Variants in TOPORS observed in about 807,000 individuals in gnomAD.
TOPORS encodes E3 ubiquitin-protein ligase Topors.
Under a neutral mutation model 81.4 loss-of-function variants are expected in TOPORS, and 25 were observed. The ratio of observed to expected loss-of-function variants is 0.31; its 90% CI spans 0.22 to 0.43. The LOEUF is 0.43. Among genes scored for constraint, TOPORS ranks in the 20% least tolerant of loss-of-function variants. TOPORS has a pLI of 1.00. For missense variants in TOPORS, 1,101 were observed against 1,267.0 expected, an observed-to-expected ratio of 0.87 and a Z score of 1.99; for synonymous variants, 473 against 456.6, an observed-to-expected ratio of 1.04 and a Z score of -0.46.
In TOPORS at chr9:32,543,102, A is replaced by AAGAATCATC; in HGVS notation, c.1414_1422dup (p.Asp472_Ser474dup). The AAGAATCATC allele has an allele frequency of 6.2e-7, 1 of 1,614,156 alleles. No individual in the cohort carries two copies. The highest frequency in any genetic ancestry group is 8.5e-7 in the Non-Finnish European group (1 of 1,180,022). On this transcript the variant is annotated inframe_insertion, in exon 3 of 3. Transcript: ENST00000360538. This position sits in a 1 kb window ranked among gnomAD's most constrained non-coding sequence, Gnocchi z 5.6. ...AACCCAACAATGACACAATTATCTG[A>AAGAATCATC]AGAATCATCACTGTCATTATTTAGG...
In TOPORS at chr9:32,542,559, T is replaced by C. The variant is rs749980201; in HGVS notation, c.1966A>G (p.Arg656Gly). ...CTACTTAGAGACAGAGTTTGGCTTC[T>C]TCTGGACCAACTGCTATCTCTAGTT... ...SRTRDSSWSR[R>G]SQTLSLSSES... Residue 656 changes from arginine (R) to glycine (G), a missense_variant, in exon 3 of 3, where the codon AGA becomes GGA. Arg to Gly is a moderately radical substitution (Grantham distance 125, BLOSUM62 -2). This residue lies in a region of TOPORS where 605 missense variants were observed against 636.1 expected (regional missense o/e 0.95). Coordinates refer to ENST00000360538, the MANE Select transcript of TOPORS (RefSeq NM_005802.5). 6.2e-7 allele frequency: 1 copy of C among 1,614,140 alleles called. No individual in the cohort carries two copies. The highest frequency in any genetic ancestry group is 1.7e-5 in the Admixed American group (1 of 60,022).
At position 32,544,291 on chromosome 9, in the gene TOPORS, G is replaced by A; in HGVS notation, c.234C>T (p.Asp78=). Residue 78 remains aspartate (D), a synonymous_variant, in exon 3 of 3, where the codon GAC becomes GAT. Coordinates refer to ENST00000360538, the MANE Select transcript of TOPORS (RefSeq NM_005802.5). The stretch of plus-strand genomic sequence containing the variant: ...TAGTGCCAGCTTTAGGTGAAAAGTT[G>A]TCCATTTTAAATTCCTTAGCAGCTG... ...MASAAKEFKM[D]NFSPKAGTSK... 6.2e-7 allele frequency: 1 copy of A among 1,602,908 alleles called. No individual in the cohort carries two copies. The highest frequency in any genetic ancestry group is 1.1e-5 in the South Asian group (1 of 91,078).
intron 1 of TOPORS, chr9:32,551,853 TAC>T (rs1563987894): frequency 2.3e-6 from 1 of 435,270 alleles, no homozygotes; most frequent in Non-Finnish European, 4.7e-6. Context: ...CATTACGCTA[TAC>T]GTTTCTGAAG....
At position 32,542,021 on chromosome 9, in the gene TOPORS, T is replaced by C. The variant is rs1361475613; in HGVS notation, c.2504A>G (p.Asn835Ser). Residue 835 changes from asparagine to serine, a missense_variant, in exon 3 of 3, where the codon AAC (asparagine) becomes AGC (serine). Around this residue, in one of 9 missense-constraint regions of TOPORS, gnomAD observed 605 missense variants for 636.1 expected, o/e 0.95. Transcript: ENST00000360538. ...AAAGGTATCACTCTCATTTTTGTAGTTTCCATCCAATTTTGATGAAGATTT... is the reference window on the plus strand; with the variant it reads ...AAAGGTATCACTCTCATTTTTGTAGCTTCCATCCAATTTTGATGAAGATTT... ...YQKSSSKLDG[N>S]YKNESDTFSD... 1.2e-6 allele frequency: 2 copies of C among 1,614,026 alleles called. No homozygotes were observed. The highest frequency in any genetic ancestry group is 2.7e-5 in the African/African-American group (2 of 74,942).
chr9:32,551,184 C>T (rs886319814), intron 1 of TOPORS: 18 of 628,048 alleles, frequency 2.9e-5, no homozygotes, highest in Non-Finnish European at 4.8e-5. Flanking sequence ...CGCGACCCTC[C>T]CCATCTTGTT....
Position 32,543,249 on chromosome 9 carries a change from A to G in TOPORS, c.1276T>C (p.Ser426Pro). Residue 426 changes from serine to proline, a missense_variant, in exon 3 of 3, where the codon TCA becomes CCA. Physicochemically the swap from Ser to Pro is moderately conservative, Grantham distance 74. Coordinates refer to ENST00000360538, the MANE Select transcript of TOPORS (RefSeq NM_005802.5). This position sits in a 1 kb window ranked among gnomAD's most constrained non-coding sequence, Gnocchi z 5.6. ...GTAACGTGTACCTGCTCTGAGCTTG[A>G]GTAAGATGGTCCTGGAGTTTCATCA... is the stretch of plus-strand genomic sequence containing the variant. ...WDDETPGPSY[S>P]SSEQVHVTMS... 1 of 1,613,776 alleles carries G rather than the reference A, an allele frequency of 6.2e-7. No individual in the cohort carries two copies.
At position 32,541,481 on chromosome 9, in the gene TOPORS, A is replaced by G. The variant is rs368273386; in HGVS notation, c.3044T>C (p.Ile1015Thr). The part of the protein sequence containing the change: ...VSDLENQPSN[I>T]VSLQTEPSRQ... ...TGATGGCTCAGTTTGAAGAGACACA[A>G]TGTTACTGGGCTGGTTCTCCAAATC... The change falls in exon 3 of 3, where the codon ATT (isoleucine) becomes ACT (threonine). Residue 1015 changes from isoleucine to threonine, a missense_variant. Around this residue, in one of 9 missense-constraint regions of TOPORS, gnomAD observed 605 missense variants for 636.1 expected, o/e 0.95. Coordinates refer to ENST00000360538, the MANE Select transcript of TOPORS (RefSeq NM_005802.5). 3.1e-6 allele frequency: 5 copies of G among 1,614,104 alleles called. No individual in the cohort carries two copies. Among genetic ancestry groups the G allele is most frequent in the Non-Finnish European group, 4.2e-6 (5 of 1,180,030 alleles).
chr9:32,551,406 CG>C, intron 1 of TOPORS: 1 of 326,414 alleles, frequency 3.1e-6, no homozygotes, highest in South Asian at 2.5e-5. Flanking sequence ...AGGAGTCCAA[CG>C]GGATCCCAAA....
intron 2 of TOPORS, among the ~76,000 whole-genome samples, chr9:32,550,229 A>G (rs1279455452): frequency 6.6e-6 from 1 of 152,202 alleles, no homozygotes; most frequent in African/African-American, 2.4e-5. Flanking sequence ...GGAAAGCTGC[A>G]GTAAATGGAT....
At chr9:32,549,286 G>A (rs1222303370) in intron 2 of TOPORS, among the ~76,000 whole-genome samples, 5 of 152,092 alleles carry the variant, frequency 3.3e-5, no homozygotes, top group East Asian at 3.9e-4. Flanking sequence ...CAGCCTGGGC[G>A]AAAGAGCAAG....
rs776603944 is a variant in TOPORS, at chr9:32,544,007, G to A, written c.518C>T (p.Thr173Ile). The A allele has an allele frequency of 6.2e-7, 1 of 1,614,150 alleles. No homozygotes were observed. The highest frequency in any genetic ancestry group is 1.1e-5 in the South Asian group (1 of 91,080). ...ACGGTAGCGAAATCGTCGATCAGGGGTGACAAAAGAACCATTATACGAAGG... is the reference window on the plus strand; with the variant it reads ...ACGGTAGCGAAATCGTCGATCAGGGATGACAAAAGAACCATTATACGAAGG... ...LRPSYNGSFV[T>I]PDRRFRYRTT... Residue 173 changes from threonine to isoleucine, a missense_variant, in exon 3 of 3, where the codon ACC becomes ATC. By Grantham distance (89) the Thr-to-Ile change is moderately conservative. Coordinates refer to ENST00000360538, the MANE Select transcript of TOPORS (RefSeq NM_005802.5).
rs1337641143 is a variant in TOPORS at position 32,542,437 on chromosome 9, A to G, written c.2088T>C (p.Tyr696=). Residue 696 remains tyrosine (Y), a synonymous_variant, in exon 3 of 3, where the codon TAT becomes TAC. Transcript: ENST00000360538. ...TATACTCCCATTTGTATCTGCTTCC[A>G]TAATTATTTCTTAAATAATAACGAT... ...NRDRYYLRNN[Y]GSRYKWEYTY... 5 of 1,613,586 alleles carry G rather than the reference A, an allele frequency of 3.1e-6. No individual in the cohort carries two copies. Among genetic ancestry groups the G allele is most frequent in the Admixed American group, 3.3e-5 (2 of 60,030 alleles).
At chr9:32,547,398 T>C (rs1408493948) in intron 2 of TOPORS, among the ~76,000 whole-genome samples, 1 of 152,192 alleles carries the variant, frequency 6.6e-6, no homozygotes, top group East Asian at 1.9e-4. Flanking sequence ...AAAAACTGTA[T>C]ATGAATATTC....
chr9:32,545,347 T>A (rs1351446520), intron 2 of TOPORS, among the ~76,000 whole-genome samples: 1 of 151,682 alleles, frequency 6.6e-6, no homozygotes, highest in African/African-American at 2.4e-5. Context: ...TATTAAAGAT[T>A]AGTTTGTTTT....
At chr9:32,549,302 G>A (rs779070275) in intron 2 of TOPORS, among the ~76,000 whole-genome samples, 1 of 151,884 alleles carries the variant, frequency 6.6e-6, no homozygotes, top group East Asian at 1.9e-4. Context: ...GCAAGACTCC[G>A]TCTCAAAAAA....
chr9:32,544,861 T>A (rs940155546), intron 2 of TOPORS, among the ~76,000 whole-genome samples: 2 of 152,172 alleles, frequency 1.3e-5, no homozygotes, highest in African/African-American at 4.8e-5. Flanking sequence ...CACTCCTCAG[T>A]TGATGTTATT....
rs1821241551 is a variant in TOPORS, at chr9:32,551,061, C to T, written c.4-93G>A. The T allele has an allele frequency of 7.1e-6, 10 of 1,417,240 alleles. No individual in the cohort carries two copies. In the South Asian group the frequency reaches 8.4e-5, roughly 12 times the overall value. 87.8% of individuals were successfully genotyped at this position (1,417,240 alleles called of 1,614,324 possible). A position where few individuals can be genotyped will look rare whatever the true frequency, so the allele number is the denominator to read the frequency against. On this transcript the variant is annotated intron_variant, in intron 1 of 2. Coordinates refer to ENST00000360538, the MANE Select transcript of TOPORS (RefSeq NM_005802.5). ...AGCTCCCGCGCATCAAAACACAACA[C>T]CCGCCTTCCTCACGCATGCGCAGCA... is the stretch of plus-strand genomic sequence containing the variant.
rs763907340 is a variant in TOPORS at position 32,550,958 on chromosome 9, G to C, written c.14C>G (p.Pro5Arg). 2.9e-5 allele frequency: 46 copies of C among 1,610,954 alleles called. No individual in the cohort carries two copies. The highest frequency in any genetic ancestry group is 3.8e-5 in the Non-Finnish European group (45 of 1,179,776). ...GCGAGACAGCGGAGACCCCAGCGGC[G>C]GCTGCGACCCCTGTGACGCAAAGGG... MGSQ[P>R]PLGSPLSREE... The change falls in exon 2 of 3, where the codon CCG becomes CGG. Residue 5 changes from proline to arginine, a missense_variant. By Grantham distance (103) the Pro-to-Arg change is moderately radical. Around this residue, in one of 9 missense-constraint regions of TOPORS, gnomAD observed 131 missense variants for 101.0 expected, o/e 1.30. Coordinates refer to ENST00000360538, the MANE Select transcript of TOPORS (RefSeq NM_005802.5).
At position 32,543,379 on chromosome 9, in the gene TOPORS, T is replaced by C. The variant is rs1821099854; in HGVS notation, c.1146A>G (p.Glu382=). Residue 382 remains glutamate (E), a synonymous_variant, in exon 3 of 3, where the codon GAA becomes GAG. Transcript: ENST00000360538. The surrounding 1 kb of genome is among the most constrained non-coding windows in gnomAD (Gnocchi z 5.6). ...CTGAAGAATCAGAATGGCTGCCTTCTTCGTATGAAGGAGCAGGGCAATCAT... is the reference window on the plus strand; with the variant it reads ...CTGAAGAATCAGAATGGCTGCCTTCCTCGTATGAAGGAGCAGGGCAATCAT... ...ANYDCPAPSY[E]EGSHSDSSVI... is the part of the protein sequence containing the mutation. The C allele has an allele frequency of 6.2e-7, 1 of 1,614,042 alleles. No homozygotes were observed. Among genetic ancestry groups the C allele is most frequent in the Non-Finnish European group, 8.5e-7 (1 of 1,179,932 alleles).
Sources: allele counts gnomAD v4.1 joint callset (sites outside exome capture counted in the v4.1 genomes callset), GRCh38; gene constraint gnomAD v4.1.1; regional missense constraint gnomAD v4.1.1; non-coding constraint Gnocchi (gnomAD v3.1); transcripts MANE v1.5; gene names NCBI Gene and HGNC (gene_info 2026-07-23, HGNC 2026-07-21).